Variants in GABRA4 observed in about 807,000 individuals in gnomAD.
The protein encoded by GABRA4 is gamma-aminobutyric acid receptor subunit alpha-4.
In GABRA4, 12 loss-of-function variants were observed where a neutral mutation model predicts 49.7. That is an observed-to-expected ratio of 0.24 (90% CI 0.15 to 0.39). The LOEUF (loss-of-function observed/expected upper bound fraction) is 0.39. Ranked by LOEUF, GABRA4 falls within the 10% of genes least tolerant of loss-of-function variation. The probability of loss-of-function intolerance (pLI) is 1.00; values close to 1 mark genes in which losing one functional copy is unlikely to be tolerated. For synonymous variants in GABRA4, 288 were observed against 240.2 expected (o/e 1.20, Z -1.84); for missense variants, 506 against 686.0 (o/e 0.74, Z 2.93).
rs1336369885 is a variant in GABRA4, at chr4:46,974,274, T to C, written c.679A>G (p.Ile227Val). Residue 227 changes from isoleucine to valine, a missense_variant, in exon 6 of 9, where the codon ATT becomes GTT. Ile to Val is a conservative substitution (Grantham distance 29). This residue lies in a region of GABRA4 where 195 missense variants were observed against 326.0 expected (regional missense o/e 0.60). Transcript: ENST00000264318. Reference sequence around the variant, plus strand: ...GTTTCACTTGATACGGTTTGCCCAATCAAATCATATTGAACTAAGCTGGAA... The same window carrying C: ...GTTTCACTTGATACGGTTTGCCCAACCAAATCATATTGAACTAAGCTGGAA... Reference protein sequence around the residue: ...ESSSLVQYDLIGQTVSSETIK... With the variant: ...ESSSLVQYDLVGQTVSSETIK... 6.2e-7 allele frequency: 1 copy of C among 1,611,480 alleles called. No homozygotes were observed. The highest frequency in any genetic ancestry group is 2.2e-5 in the East Asian group (1 of 44,762).
At chr4:46,943,945 C>A (rs1056267981) in intron 8 of GABRA4, among the ~76,000 whole-genome samples, 1 of 151,942 alleles carries the variant, frequency 6.6e-6, no homozygotes. Flanking sequence ...ACTAATTTCT[C>A]AGTAGAATGG....
At chr4:46,941,547 T>G (rs760847360) in intron 8 of GABRA4, among the ~76,000 whole-genome samples, 1 of 152,168 alleles carries the variant, frequency 6.6e-6, no homozygotes, top group Non-Finnish European at 1.5e-5. Flanking sequence ...TTTAATATTC[T>G]AACTCAGATC....
chr4:46,945,368 C>T (rs928796197), intron 8 of GABRA4, among the ~76,000 whole-genome samples: 4 of 152,124 alleles, frequency 2.6e-5, no homozygotes, highest in Non-Finnish European at 5.9e-5. Context: ...ACAGGAAAGG[C>T]ATGAGGCCCA....
intron 8 of GABRA4, among the ~76,000 whole-genome samples, chr4:46,934,744 C>T (rs1420915215): frequency 6.6e-6 from 1 of 152,088 alleles, no homozygotes; most frequent in Non-Finnish European, 1.5e-5. Context: ...TTTGTGATTA[C>T]TTTTGTTTCA....
At chr4:46,929,680 C>T (rs1294367966) in intron 8 of GABRA4, among the ~76,000 whole-genome samples, 1 of 152,026 alleles carries the variant, frequency 6.6e-6, no homozygotes, top group Non-Finnish European at 1.5e-5. Flanking sequence ...CAGATGTTCC[C>T]TGAAATACCC....
chr4:46,939,376 C>G (rs1216057197), intron 8 of GABRA4, among the ~76,000 whole-genome samples: 2 of 151,944 alleles, frequency 1.3e-5, no homozygotes, highest in East Asian at 3.9e-4. Context: ...TTAATATGGG[C>G]CAGGCACTAC....
chr4:46,925,284 A>G lies in GABRA4; in HGVS notation c.*2941T>C, dbSNP rs1721178798. 6.6e-6 allele frequency: 1 copy of G among 151,978 alleles called. No homozygotes were observed. Among genetic ancestry groups the G allele is most frequent in the Non-Finnish European group, 1.5e-5 (1 of 67,890 alleles). The allele number at this position is 151,978 out of a possible 1,614,324, so 9.4% of individuals were successfully genotyped here. A position where few individuals can be genotyped will look rare whatever the true frequency, so the allele number is the denominator to read the frequency against. On this transcript the variant is annotated 3_prime_UTR_variant, in exon 9 of 9. Transcript: ENST00000264318. Reference sequence around the variant, plus strand: ...ACAAGATTTGTGAGGTCCAATTTAAAATATACATTATTCAAAGTACTATGT... The same window carrying G: ...ACAAGATTTGTGAGGTCCAATTTAAGATATACATTATTCAAAGTACTATGT...
intron 2 of GABRA4, among the ~76,000 whole-genome samples, chr4:46,981,097 C>G (rs1270459909): frequency 6.6e-6 from 1 of 152,018 alleles, no homozygotes; most frequent in African/African-American, 2.4e-5. Flanking sequence ...TAAGGTGCGG[C>G]CTCACAATTT....
intron 2 of GABRA4, among the ~76,000 whole-genome samples, chr4:46,988,312 C>A (rs1402872184): frequency 6.6e-6 from 1 of 152,030 alleles, no homozygotes; most frequent in Non-Finnish European, 1.5e-5. Context: ...TCTGTGAGGG[C>A]TCGTATCAGA....
chr4:46,946,611 C>T (rs571578555), intron 8 of GABRA4, among the ~76,000 whole-genome samples: 1 of 152,232 alleles, frequency 6.6e-6, no homozygotes, highest in South Asian at 2.1e-4. Flanking sequence ...TAAAGAAATG[C>T]CACAACATTC....
chr4:46,976,990 A>G, intron 5 of GABRA4, 71 bp downstream of exon 5: 1 of 863,046 alleles, frequency 1.2e-6, no homozygotes, highest in South Asian at 1.5e-5. Context: ...TATGAAAAAT[A>G]AAATACATGT....
chr4:46,949,932 G>A (rs1177784633), intron 8 of GABRA4, among the ~76,000 whole-genome samples: 2 of 152,074 alleles, frequency 1.3e-5, no homozygotes, highest in African/African-American at 2.4e-5. Flanking sequence ...TGTTGGGGAT[G>A]CTAAAATAAC....
chr4:46,978,309 T>C (rs1041810508), intron 3 of GABRA4, among the ~76,000 whole-genome samples: 2 of 151,976 alleles, frequency 1.3e-5, no homozygotes, highest in Non-Finnish European at 1.5e-5. Context: ...ATACTAAATA[T>C]AATGAAAACT....
chr4:46,957,025 C>T (rs1368857370), intron 8 of GABRA4, among the ~76,000 whole-genome samples: 2 of 152,000 alleles, frequency 1.3e-5, no homozygotes, highest in African/African-American at 2.4e-5. Flanking sequence ...TGAGTTCATG[C>T]ATACTTTATT....
At chr4:46,929,901 A>T (rs1407337256) in intron 8 of GABRA4, among the ~76,000 whole-genome samples, 1 of 152,084 alleles carries the variant, frequency 6.6e-6, no homozygotes, top group Non-Finnish European at 1.5e-5. Context: ...GGAAGAAGCC[A>T]GCCTCAAAGG....
Position 46,956,194 on chromosome 4 carries a change from G to A in GABRA4, c.1134+8776C>T, listed in dbSNP as rs574127254. On this transcript the variant is annotated intron_variant, in intron 8 of 8. Coordinates refer to ENST00000264318, the MANE Select transcript of GABRA4 (RefSeq NM_000809.4). ...TACTTAAAACAGGTATGAGTTTGGG[G>A]AGGTACTTATTTATATAAAATTTAA... 4.6e-5 allele frequency among the ~76,000 whole-genome samples: 7 copies of A among 152,136 alleles called. No individual in the cohort carries two copies. The South Asian group carries it at 6.2e-4, about 14-fold the overall frequency.
intron 8 of GABRA4, among the ~76,000 whole-genome samples, chr4:46,946,245 A>G (rs1721974082): frequency 6.6e-6 from 1 of 152,146 alleles, no homozygotes; most frequent in Admixed American, 6.6e-5. Flanking sequence ...GAATTTCATC[A>G]AAGTGGAAAC....
chr4:46,920,097 T>C lies in GABRA4; in HGVS notation c.*8128A>G, dbSNP rs1368296091. 6.6e-6 allele frequency: 1 copy of C among 151,678 alleles called. No homozygotes were observed. Among genetic ancestry groups the C allele is most frequent in the Non-Finnish European group, 1.5e-5 (1 of 67,654 alleles). 9.4% of individuals were successfully genotyped at this position (151,678 alleles called of 1,614,324 possible). On this transcript the variant is annotated 3_prime_UTR_variant, in exon 9 of 9. Transcript: ENST00000264318. ...ATCTGTAAAGACAAAATGTAGACTA[T>C]AATTCACAAGTATAAAAGACTGAGA...
Position 46,928,213 on chromosome 4 carries a change from A to G in GABRA4, c.*12T>C. ...TTTCATCATCTTTTAGCAAACTACT[A>G]TAGCAACGAAATTACATTAGACTTT... On this transcript the variant is annotated 3_prime_UTR_variant, in exon 9 of 9. Transcript: ENST00000264318. 1 of 1,590,290 alleles carries G rather than the reference A, an allele frequency of 6.3e-7. No individual in the cohort carries two copies. Among genetic ancestry groups the G allele is most frequent in the East Asian group, 2.2e-5 (1 of 44,578 alleles).
Sources: allele counts gnomAD v4.1 joint callset (sites outside exome capture counted in the v4.1 genomes callset), GRCh38; gene constraint gnomAD v4.1.1; regional missense constraint gnomAD v4.1.1; transcripts MANE v1.5; gene names NCBI Gene and HGNC (gene_info 2026-07-23, HGNC 2026-07-21).